Variants in ARHGEF3 observed in about 807,000 individuals in gnomAD.
ARHGEF3 encodes 59.8 kDA protein.
A neutral mutation model predicts 63.2 loss-of-function variants in ARHGEF3; 28 were observed. That is an observed-to-expected ratio of 0.44 (90% CI 0.33 to 0.61). The LOEUF (loss-of-function observed/expected upper bound fraction) is 0.61. ARHGEF3 is among the 20% of genes least tolerant of loss of function. The pLI, the probability that ARHGEF3 is intolerant of heterozygous loss-of-function variation, is 0.03. For synonymous variants in ARHGEF3, 266 were observed against 254.2 expected (o/e 1.05, Z -0.44); for missense variants, 533 against 659.3 (o/e 0.81, Z 2.10).
In ARHGEF3 at chr3:57,042,700, A is replaced by ATTTT. The variant is rs869145503; in HGVS notation, c.-27-7528_-27-7525dup. On this transcript the variant is annotated intron_variant, in intron 1 of 12. Transcript: ENST00000338458. ...TATATATATATATATATATATATAT[A>ATTTT]TTTTTTTTTTTTTTTAGACGGAGTC... Among the ~76,000 whole-genome samples, 228 of 66,070 alleles carry ATTTT rather than the reference A, an allele frequency of 3.5e-3. 15 individuals carry two copies. The highest frequency in any genetic ancestry group is 4.5e-3 in the South Asian group (8 of 1,764). 43.3% of individuals were successfully genotyped at this position (66,070 alleles called of 152,430 possible).
At chr3:57,074,154 G>A (rs780220057) in intron 1 of ARHGEF3, 32 of 1,614,110 alleles carry the variant, frequency 2.0e-5, no homozygotes, top group Non-Finnish European at 2.4e-5. Flanking sequence ...TATAGATGCC[G>A]AGCCCAGTAG....
intron 1 of ARHGEF3, among the ~76,000 whole-genome samples, chr3:57,043,490 TA>T (rs10709339): frequency 0.59 from 85,338 of 145,772 alleles, 24,579 homozygotes; most frequent in South Asian, 0.72. Context: ...GTTTCAAAGT[TA>T]AAAAAAAAAA....
intron 9 of ARHGEF3, among the ~76,000 whole-genome samples, chr3:56,730,755 A>C (rs1208552949): frequency 6.6e-6 from 1 of 152,202 alleles, no homozygotes; most frequent in Non-Finnish European, 1.5e-5. Flanking sequence ...TGGTTCACAG[A>C]AGCATCTGCA....
intron 3 of ARHGEF3, among the ~76,000 whole-genome samples, chr3:56,899,727 G>A (rs935850564): frequency 2.0e-5 from 3 of 152,158 alleles, no homozygotes; most frequent in East Asian, 3.9e-4. Flanking sequence ...GTCACACAAA[G>A]TAACTGTCCC....
rs553026463 is a variant in ARHGEF3, at chr3:56,732,232, C to G, written c.1228+6G>C. 3 of 1,613,768 alleles carry G rather than the reference C, an allele frequency of 1.9e-6. No individual in the cohort carries two copies. In the Admixed American group the frequency reaches 5.0e-5, roughly 27 times the overall value. On this transcript the variant is annotated splice_donor_region_variant and intron_variant, in intron 9 of 9. Transcript: ENST00000296315. ...TCAACAGGTCAACCCCGACTGCTAT[C>G]CATACTTCTCTCATTGTTGCTGAAT...
At chr3:56,887,988 TA>T (rs1342228552) in intron 3 of ARHGEF3, among the ~76,000 whole-genome samples, 2 of 152,252 alleles carry the variant, frequency 1.3e-5, no homozygotes, top group South Asian at 4.1e-4. Flanking sequence ...CAGCCAAAAT[TA>T]AATCAAAAAC....
At chr3:56,840,092 A>G (rs145633565) in intron 4 of ARHGEF3, among the ~76,000 whole-genome samples, 606 of 152,306 alleles carry the variant, frequency 4.0e-3, no homozygotes, top group African/African-American at 0.014. Flanking sequence ...CCTTCTTCTT[A>G]GGTGGATATT....
intron 1 of ARHGEF3, chr3:57,073,898 A>G: frequency 6.2e-7 from 1 of 1,614,188 alleles, no homozygotes; most frequent in Middle Eastern, 1.6e-4. Flanking sequence ...CTGCCCTCCC[A>G]GAGCTGACAT....
chr3:56,981,945 C>A (rs1254144241), intron 2 of ARHGEF3, among the ~76,000 whole-genome samples: 2 of 152,208 alleles, frequency 1.3e-5, no homozygotes, highest in Non-Finnish European at 2.9e-5. Context: ...GAAGGGCCAA[C>A]CCCAGGCTCC....
At chr3:56,828,690 C>T (rs1185333807) in intron 4 of ARHGEF3, among the ~76,000 whole-genome samples, 1 of 152,112 alleles carries the variant, frequency 6.6e-6, no homozygotes, top group Non-Finnish European at 1.5e-5. Flanking sequence ...AAGTCCCAGC[C>T]CTCAGGCGTA....
intron 1 of ARHGEF3, among the ~76,000 whole-genome samples, chr3:56,797,722 G>T (rs1372441555): frequency 6.6e-6 from 1 of 152,188 alleles, no homozygotes; most frequent in Non-Finnish European, 1.5e-5. Context: ...ATCGTGGCAG[G>T]AGCATAGGGT....
At chr3:57,045,222 G>A (rs1312568993) in intron 1 of ARHGEF3, among the ~76,000 whole-genome samples, 1 of 152,202 alleles carries the variant, frequency 6.6e-6, no homozygotes, top group African/African-American at 2.4e-5. Flanking sequence ...GGCTGAGATC[G>A]CACCATTGCA....
At chr3:56,922,989 C>T (rs2042180854) in intron 3 of ARHGEF3, among the ~76,000 whole-genome samples, 1 of 126,672 alleles carries the variant, frequency 7.9e-6, no homozygotes, top group Admixed American at 8.4e-5. Flanking sequence ...AGTTCAAGAC[C>T]AGCTTGGCCA....
intron 3 of ARHGEF3, among the ~76,000 whole-genome samples, chr3:56,889,722 G>A (rs62251070): frequency 0.14 from 20,823 of 152,114 alleles, 1,713 homozygotes; most frequent in Non-Finnish European, 0.19. Context: ...AACAATCTGC[G>A]TTTCCTTTAA....
At chr3:56,939,771 G>C (rs1699086741) in intron 3 of ARHGEF3, 1 of 152,098 alleles carries the variant, frequency 6.6e-6, no homozygotes, top group Non-Finnish European at 1.5e-5. Flanking sequence ...AGTCAGACAG[G>C]AAAAAATGGA....
intron 2 of ARHGEF3, among the ~76,000 whole-genome samples, chr3:57,015,193 C>A (rs550888541): frequency 6.6e-6 from 1 of 152,316 alleles, no homozygotes; most frequent in South Asian, 2.1e-4. Flanking sequence ...TTGGCTACAA[C>A]TGAGTTAAGT....
At chr3:56,784,969 A>G (rs1292025397) in intron 1 of ARHGEF3, among the ~76,000 whole-genome samples, 2 of 152,020 alleles carry the variant, frequency 1.3e-5, no homozygotes, top group African/African-American at 4.8e-5. Context: ...CTTGGCAGAC[A>G]CCCGCCTGTT....
intron 4 of ARHGEF3, among the ~76,000 whole-genome samples, chr3:56,856,309 G>A (rs1012270554): frequency 6.6e-6 from 1 of 152,212 alleles, no homozygotes; most frequent in East Asian, 1.9e-4. Context: ...TAAGGACAGT[G>A]AGTCAACATT....
At chr3:56,833,441 C>T (rs1186887244) in intron 4 of ARHGEF3, among the ~76,000 whole-genome samples, 2 of 152,174 alleles carry the variant, frequency 1.3e-5, no homozygotes, top group African/African-American at 2.4e-5. Flanking sequence ...CAGGCATCTA[C>T]AAATAGTGTG....
Sources: allele counts gnomAD v4.1 joint callset (sites outside exome capture counted in the v4.1 genomes callset), GRCh38; gene constraint gnomAD v4.1.1; transcripts MANE v1.5; gene names NCBI Gene and HGNC (gene_info 2026-07-23, HGNC 2026-07-21).